Variants in EXOC6B observed in about 807,000 individuals in gnomAD.
EXOC6B encodes SEC15 homolog B.
In EXOC6B, 54 loss-of-function variants were observed where a neutral mutation model predicts 113.5. That is an observed-to-expected ratio of 0.48 (90% CI 0.38 to 0.60). The LOEUF (loss-of-function observed/expected upper bound fraction) is 0.60. EXOC6B is among the 20% of genes least tolerant of loss of function. The pLI is 0.00. For synonymous variants in EXOC6B, 357 were observed against 339.0 expected (o/e 1.05, Z -0.58); for missense variants, 797 against 977.5 (o/e 0.82, Z 2.46).
chr2:72,325,132 T>G (rs181093386), intron 20 of EXOC6B, among the ~76,000 whole-genome samples: 6 of 152,208 alleles, frequency 3.9e-5, no homozygotes, highest in Non-Finnish European at 1.5e-5. Flanking sequence ...AAAGGCTTCA[T>G]GCCCACGTTG....
At chr2:72,700,484 G>A (rs1678242463) in intron 6 of EXOC6B, among the ~76,000 whole-genome samples, 1 of 152,148 alleles carries the variant, frequency 6.6e-6, no homozygotes, top group Non-Finnish European at 1.5e-5. Flanking sequence ...GTTACAGTGA[G>A]TTCCTCAACA....
chr2:72,746,735 C>T lies in EXOC6B; in HGVS notation c.114-5266G>A, dbSNP rs895505524. Among the ~76,000 whole-genome samples the T allele has an allele frequency of 7.2e-5, 11 of 151,980 alleles. 1 individual carries two copies. Among genetic ancestry groups the T allele is most frequent in the Non-Finnish European group, 1.5e-4 (10 of 67,962 alleles). ...CATCTTATAAATTAGACATTATTCC[C>T]ATTTTATAAATGAGAAACCTGTAAC... On this transcript the variant is annotated intron_variant, in intron 1 of 21. Coordinates refer to ENST00000272427, the MANE Select transcript of EXOC6B (RefSeq NM_015189.3).
intron 1 of EXOC6B, among the ~76,000 whole-genome samples, chr2:72,757,816 C>A (rs879456923): frequency 6.6e-6 from 1 of 152,086 alleles, no homozygotes; most frequent in African/African-American, 2.4e-5. Context: ...AGTGTCTTTT[C>A]CATATTCTAA....
rs544682643 is a variant in EXOC6B at position 72,687,284 on chromosome 2, T to C, written c.669+30819A>G. ...CAGATGCTCAGAAATATATAAATTG[T>C]TAATGACTGGGGCACTATATGCAAC... On this transcript the variant is annotated intron_variant, in intron 6 of 21. Coordinates refer to ENST00000272427, the MANE Select transcript of EXOC6B (RefSeq NM_015189.3). Among the ~76,000 whole-genome samples, 5 of 152,354 alleles carry C rather than the reference T, an allele frequency of 3.3e-5. No homozygotes were observed. The South Asian group carries it at 1.0e-3, about 32-fold the overall frequency.
intron 20 of EXOC6B, 25 bp downstream of exon 20, chr2:72,334,921 CA>C (rs1688602907): frequency 6.2e-7 from 1 of 1,611,000 alleles, no homozygotes. Flanking sequence ...AAAAGAAAAA[CA>C]AAAAACAAAA....
At chr2:72,315,101 A>G (rs1390129229) in intron 20 of EXOC6B, among the ~76,000 whole-genome samples, 1 of 152,188 alleles carries the variant, frequency 6.6e-6, no homozygotes, top group African/African-American at 2.4e-5. Flanking sequence ...GGAAGTTGCA[A>G]TCTTAAATGG....
At chr2:72,790,435 G>A (rs1340266904) in intron 1 of EXOC6B, among the ~76,000 whole-genome samples, 1 of 152,066 alleles carries the variant, frequency 6.6e-6, no homozygotes, top group African/African-American at 2.4e-5. Context: ...TCTATAATAT[G>A]CGCTTTCATA....
intron 18 of EXOC6B, among the ~76,000 whole-genome samples, chr2:72,417,847 C>T (rs769545184): frequency 2.6e-5 from 4 of 152,028 alleles, no homozygotes; most frequent in East Asian, 3.8e-4. Context: ...CCTTCACATT[C>T]GCCTGTAGTA....
chr2:72,332,425 T>C (rs1416292336), intron 20 of EXOC6B, among the ~76,000 whole-genome samples: 1 of 152,014 alleles, frequency 6.6e-6, no homozygotes, highest in African/African-American at 2.4e-5. Context: ...CAATGTGACA[T>C]GTGAAAAAGA....
At chr2:72,592,785 T>C (rs190880654) in intron 6 of EXOC6B, among the ~76,000 whole-genome samples, 3 of 152,342 alleles carry the variant, frequency 2.0e-5, no homozygotes, top group African/African-American at 7.2e-5. Flanking sequence ...CCCTGGTTTC[T>C]GGCACAGAGC....
At chr2:72,739,040 A>AT (rs780286929) in intron 2 of EXOC6B, among the ~76,000 whole-genome samples, 9 of 152,350 alleles carry the variant, frequency 5.9e-5, no homozygotes, top group Non-Finnish European at 1.2e-4. Flanking sequence ...CATACATTTT[A>AT]ATCAGCTTTA....
At chr2:72,796,527 G>A (rs1467702788) in intron 1 of EXOC6B, among the ~76,000 whole-genome samples, 17 of 150,134 alleles carry the variant, frequency 1.1e-4, no homozygotes, top group Non-Finnish European at 8.9e-5. Flanking sequence ...ACTAGACAAT[G>A]TGCTCTTCAA....
intron 6 of EXOC6B, among the ~76,000 whole-genome samples, chr2:72,583,679 C>T (rs775796107): frequency 1.8e-4 from 27 of 152,016 alleles, no homozygotes; most frequent in Non-Finnish European, 3.2e-4. Context: ...TACCACTAGG[C>T]CTACCTTAAA....
chr2:72,308,914 A>C (rs549437579), intron 20 of EXOC6B, among the ~76,000 whole-genome samples: 2 of 152,298 alleles, frequency 1.3e-5, no homozygotes, highest in Admixed American at 1.3e-4. Flanking sequence ...GATGATGACT[A>C]TAAATGTCTA....
intron 1 of EXOC6B, among the ~76,000 whole-genome samples, chr2:72,754,456 T>C (rs901255008): frequency 2.6e-5 from 4 of 151,976 alleles, no homozygotes; most frequent in Admixed American, 1.3e-4. Flanking sequence ...ACTGTCAAAC[T>C]CCTAGCCTCG....
chr2:72,274,142 G>A (rs769739139), intron 20 of EXOC6B, among the ~76,000 whole-genome samples: 9 of 152,120 alleles, frequency 5.9e-5, no homozygotes, highest in Non-Finnish European at 2.9e-5. Flanking sequence ...ATCTGAATGT[G>A]TCTGTAAGTT....
At chr2:72,193,057 A>G (rs1183012435) in intron 20 of EXOC6B, among the ~76,000 whole-genome samples, 1 of 152,184 alleles carries the variant, frequency 6.6e-6, no homozygotes, top group Non-Finnish European at 1.5e-5. Context: ...CCTGCCTTTG[A>G]CAGGATGAAA....
chr2:72,521,501 T>C (rs1280045616), intron 8 of EXOC6B, among the ~76,000 whole-genome samples: 1 of 152,162 alleles, frequency 6.6e-6, no homozygotes, highest in African/African-American at 2.4e-5. Flanking sequence ...GCTCTGTTTA[T>C]AACAGCAAAA....
At chr2:72,402,012 A>G (rs911020296) in intron 18 of EXOC6B, among the ~76,000 whole-genome samples, 1 of 151,930 alleles carries the variant, frequency 6.6e-6, no homozygotes, top group African/African-American at 2.4e-5. Flanking sequence ...AGACAAAAAA[A>G]TGGCCTCATA....
Sources: gnomAD v4.1 joint callset for allele counts (sites outside exome capture counted in the v4.1 genomes callset) on GRCh38, gnomAD v4.1.1 for gene constraint, MANE v1.5 for transcripts, NCBI Gene and HGNC (gene_info 2026-07-23, HGNC 2026-07-21) for gene names.